The following VWA3B variants were observed in gnomAD, a reference collection of about 807,000 sequenced individuals.
VWA3B encodes the protein von Willebrand factor A domain containing 3B.
In VWA3B, 138 loss-of-function variants were observed where a neutral mutation model predicts 158.3. The observed-to-expected ratio is 0.87, with a 90% CI of 0.76 to 1.00. The LOEUF is 1.00. Ranked by LOEUF, VWA3B falls within the 50% of genes least tolerant of loss-of-function variation. The pLI is 0.00. For synonymous variants in VWA3B, 596 were observed against 587.3 expected, an observed-to-expected ratio of 1.01 and a Z score of -0.21; for missense variants, 1,555 against 1,565.1, an observed-to-expected ratio of 0.99 and a Z score of 0.11.
At chr2:98,089,516 T>C (rs970642435) in intron 1 of VWA3B, among the ~76,000 whole-genome samples, 3 of 91,990 alleles carry the variant, frequency 3.3e-5, no homozygotes, top group African/African-American at 8.3e-5. Flanking sequence ...CTAGTGGGGG[T>C]GGGGTGGGGA....
intron 8 of VWA3B, among the ~76,000 whole-genome samples, chr2:98,166,367 G>A (rs1422226079): frequency 6.6e-6 from 1 of 152,046 alleles, no homozygotes; most frequent in Non-Finnish European, 1.5e-5. Context: ...CAACAAAATG[G>A]TAATTAAGGT....
At chr2:98,222,038 G>T (rs570143675) in intron 14 of VWA3B, among the ~76,000 whole-genome samples, 2 of 152,298 alleles carry the variant, frequency 1.3e-5, no homozygotes, top group African/African-American at 4.8e-5. Context: ...ACAACAGCAT[G>T]AGACCAAAGG....
intron 14 of VWA3B, among the ~76,000 whole-genome samples, chr2:98,219,905 G>C (rs1165756503): frequency 6.6e-6 from 1 of 152,056 alleles, no homozygotes; most frequent in Non-Finnish European, 1.5e-5. Context: ...GCTCACACCT[G>C]TAATCCTAGC....
chr2:98,214,059 T>C (rs1361785771), intron 13 of VWA3B, among the ~76,000 whole-genome samples: 1 of 152,128 alleles, frequency 6.6e-6, no homozygotes, highest in East Asian at 1.9e-4. Flanking sequence ...AGTGTGGTGG[T>C]GTGCACCTGT....
intron 21 of VWA3B, among the ~76,000 whole-genome samples, chr2:98,266,949 G>A (rs1346245622): frequency 6.7e-6 from 1 of 148,984 alleles, no homozygotes; most frequent in East Asian, 2.0e-4. Context: ...ATTTTGGGCT[G>A]AGACAATGGG....
intron 12 of VWA3B, chr2:98,207,248 C>T: frequency 1.9e-6 from 1 of 516,540 alleles, no homozygotes; most frequent in Non-Finnish European, 3.9e-6. Context: ...GATGACTCGA[C>T]TGCCTCTGCT....
intron 23 of VWA3B, 23 bp from the exon 24 acceptor site, chr2:98,297,882 TTA>T (rs1689908946): frequency 5.5e-6 from 8 of 1,463,680 alleles, no homozygotes; most frequent in South Asian, 4.4e-5. Context: ...TCTTTATATT[TTA>T]TGTTTTCTTT....
Position 98,303,421 on chromosome 2 carries a change from G to GGTGTGTGTGTGT in VWA3B, c.3421-256_3421-245dup, listed in dbSNP as rs58157632. Among the ~76,000 whole-genome samples, 910 of 146,630 alleles carry GGTGTGTGTGTGT rather than the reference G, an allele frequency of 6.2e-3. 12 individuals are homozygous for GGTGTGTGTGTGT. The highest frequency in any genetic ancestry group is 0.022 in the African/African-American group (861 of 39,536). The stretch of plus-strand genomic sequence containing the variant: ...ATAGAAAGGAAGGTGGTTATGTGAA[G>GGTGTGTGTGTGT]GTGTGTGTGTGTGTGTGTGTGTGTG... On this transcript the variant is annotated intron_variant, in intron 25 of 27. Coordinates refer to ENST00000477737, the MANE Select transcript of VWA3B (RefSeq NM_144992.5).
intron 2 of VWA3B, among the ~76,000 whole-genome samples, chr2:98,099,820 C>A (rs985152408): frequency 6.6e-6 from 1 of 151,716 alleles, no homozygotes. Flanking sequence ...CAGATTCTTT[C>A]TTCTGCTTGT....
downstream of VWA3B, among the ~76,000 whole-genome samples, chr2:98,317,603 A>G (rs569856050): frequency 2.0e-4 from 31 of 152,356 alleles, no homozygotes; most frequent in African/African-American, 7.5e-4. Flanking sequence ...CCTTGATAAT[A>G]AGTCTTTCAA....
intron 23 of VWA3B, among the ~76,000 whole-genome samples, chr2:98,294,884 A>G (rs892415251): frequency 4.6e-5 from 7 of 152,230 alleles, no homozygotes; most frequent in Admixed American, 1.3e-4. Context: ...GTCTTCTCCA[A>G]CGGGATTTAA....
chr2:98,236,433 G>T lies in VWA3B; in HGVS notation c.2472G>T (p.Ser824=), dbSNP rs571984789. 3 of 1,614,058 alleles carry T rather than the reference G, an allele frequency of 1.9e-6. No individual in the cohort carries two copies. In the African/African-American group the frequency reaches 4.0e-5, roughly 22 times the overall value. ...LLAEEWLDDK[S]SEKVTREGSQ... ...CTGAGGAGTGGCTGGATGACAAATC[G>T]TCAGAAAAGGTGACGCGAGAAGGAA... Residue 824 remains serine, a synonymous_variant, in exon 18 of 28, where the codon TCG becomes TCT. Coordinates refer to ENST00000477737, the MANE Select transcript of VWA3B (RefSeq NM_144992.5).
At chr2:98,238,399 C>A (rs1685847839) in intron 19 of VWA3B, among the ~76,000 whole-genome samples, 1 of 152,160 alleles carries the variant, frequency 6.6e-6, no homozygotes, top group African/African-American at 2.4e-5. Context: ...TAATTTATTT[C>A]TTGTAGGAGG....
rs75384935 is a variant in VWA3B at position 98,095,630 on chromosome 2, T to G, written c.196+2342T>G. Among the ~76,000 whole-genome samples, 351 of 152,342 alleles carry G rather than the reference T, an allele frequency of 2.3e-3. 2 individuals carry two copies. Among genetic ancestry groups the G allele is most frequent in the African/African-American group, 8.2e-3 (339 of 41,586 alleles). On this transcript the variant is annotated intron_variant, in intron 2 of 27. Coordinates refer to ENST00000477737, the MANE Select transcript of VWA3B (RefSeq NM_144992.5). ...TGTTAATTTCTTTCTGTTGCCTGAT[T>G]GCCTTGGCTAGAACTTCTAGTACTG...
the VWA3B span, among the ~76,000 whole-genome samples, chr2:98,326,500 C>T: frequency 2.0e-5 from 3 of 152,168 alleles, no homozygotes; most frequent in African/African-American, 7.2e-5. Context: ...GCAGCTTACA[C>T]CTGTAATGCC....
Position 98,141,044 on chromosome 2 carries a change from T to C in VWA3B, c.988+7105T>C, listed in dbSNP as rs184584116. 9.8e-5 allele frequency among the ~76,000 whole-genome samples: 15 copies of C among 152,308 alleles called. No individual in the cohort carries two copies. The East Asian group carries it at 2.9e-3, about 30-fold the overall frequency. On this transcript the variant is annotated intron_variant, in intron 7 of 27. Transcript: ENST00000477737. The stretch of plus-strand genomic sequence containing the variant: ...CTTGGCACCTGGCTCTCAGGGAATC[T>C]GTTGGACAGTCCTCCTACCCAACTT...
At chr2:98,225,716 A>C (rs1290869456) in intron 14 of VWA3B, among the ~76,000 whole-genome samples, 2 of 152,146 alleles carry the variant, frequency 1.3e-5, no homozygotes, top group African/African-American at 4.8e-5. Context: ...AAAAAAAAAA[A>C]AAACTGGAAC....
intron 5 of VWA3B, among the ~76,000 whole-genome samples, chr2:98,126,150 GAAT>G (rs1309533190): frequency 5.3e-5 from 8 of 152,176 alleles, no homozygotes; most frequent in African/African-American, 1.4e-4. Context: ...AATGAATAGT[GAAT>G]AATGTCATAA....
rs1047687933 is a variant in VWA3B at position 98,245,411 on chromosome 2, A to G, written c.2674-4907A>G. ...CATCATAAAGAAAACATTTCCTGTG[A>G]TCTCCACGCAGCCACCATGTTGTAA... On this transcript the variant is annotated intron_variant, in intron 19 of 27. Transcript: ENST00000477737. The G allele has an allele frequency of 8.4e-5, 32 of 379,886 alleles. No homozygotes were observed. The East Asian group carries it at 2.3e-3, about 28-fold the overall frequency. 23.5% of individuals were successfully genotyped at this position (379,886 alleles called of 1,614,324 possible). A position where few individuals can be genotyped will look rare whatever the true frequency, so the allele number is the denominator to read the frequency against.
Sources: gnomAD v4.1 joint callset for allele counts (sites outside exome capture counted in the v4.1 genomes callset) on GRCh38, gnomAD v4.1.1 for gene constraint, MANE v1.5 for transcripts, NCBI Gene and HGNC (gene_info 2026-07-23, HGNC 2026-07-21) for gene names.